The following TTC39A variants were observed in gnomAD, a reference collection of about 807,000 sequenced individuals.
The protein encoded by TTC39A is tetratricopeptide repeat protein 39A.
In TTC39A, 46 loss-of-function variants were observed where a neutral mutation model predicts 82.3. The observed-to-expected ratio is 0.56, with a 90% CI of 0.44 to 0.71. The LOEUF (loss-of-function observed/expected upper bound fraction) is 0.71. Among genes scored for constraint, TTC39A ranks in the 30% least tolerant of loss-of-function variants. TTC39A has a pLI of 0.00. For missense variants in TTC39A, 543 were observed against 712.9 expected (o/e 0.76, Z 2.71); for synonymous variants, 254 against 275.2 (o/e 0.92, Z 0.76).
At chr1:51,296,940 C>T (rs926438981) in intron 12 of TTC39A, 1 of 152,674 alleles carries the variant, frequency 6.5e-6, no homozygotes, top group Non-Finnish European at 1.5e-5. Context: ...ACACCACGCC[C>T]CTTCCTCAGA....
rs373906960 is a variant in TTC39A at position 51,294,746 on chromosome 1, C to T, written c.1146-235G>A. Among the ~76,000 whole-genome samples, 47 of 152,328 alleles carry T rather than the reference C, an allele frequency of 3.1e-4. No homozygotes were observed. Among genetic ancestry groups the T allele is most frequent in the African/African-American group, 9.4e-4 (39 of 41,586 alleles). On this transcript the variant is annotated intron_variant, in intron 13 of 17. Transcript: ENST00000680483. The surrounding 1 kb of genome is among the most constrained non-coding windows in gnomAD (Gnocchi z 4.3). ...TATGGCTGGGCAAGGGGTTCCTCCC[C>T]GCCAGCTGGCAGAGATGAGAGTGTG...
intron 1 of TTC39A, among the ~76,000 whole-genome samples, chr1:51,341,772 C>G (rs1646041486): frequency 6.6e-6 from 1 of 152,226 alleles, no homozygotes; most frequent in Admixed American, 6.5e-5. Flanking sequence ...AATGCTTCAA[C>G]TTGCAGGATC....
At chr1:51,330,808 T>C (rs1462925851), upstream of TTC39A, 5 of 418,974 alleles carry the variant, frequency 1.2e-5, no homozygotes, top group African/African-American at 2.0e-5. The surrounding 1 kb of genome is among the most constrained non-coding windows in gnomAD (Gnocchi z 4.5). Flanking sequence ...CCCCACCTAT[T>C]TGGCGCTAGA....
At chr1:51,306,404 T>C (rs1277019579) in intron 6 of TTC39A, among the ~76,000 whole-genome samples, 2 of 152,104 alleles carry the variant, frequency 1.3e-5, no homozygotes, top group Non-Finnish European at 2.9e-5. Flanking sequence ...TCTTTGTTGG[T>C]GGGGGTGGCA....
chr1:51,336,937 T>A (rs1645981706), intron 1 of TTC39A, among the ~76,000 whole-genome samples: 1 of 152,114 alleles, frequency 6.6e-6, no homozygotes, highest in Non-Finnish European at 1.5e-5. Flanking sequence ...GCGGGAGAAT[T>A]GCTTGAGGCC....
At chr1:51,322,435 T>C (rs1487661171) in intron 1 of TTC39A, among the ~76,000 whole-genome samples, 1 of 152,240 alleles carries the variant, frequency 6.6e-6, no homozygotes, top group Non-Finnish European at 1.5e-5. Flanking sequence ...TGACGTGATA[T>C]ATTTTACTTA....
intron 1 of TTC39A, among the ~76,000 whole-genome samples, chr1:51,328,568 CAG>C (rs1334958325): frequency 3.9e-5 from 6 of 152,138 alleles, no homozygotes; most frequent in African/African-American, 1.4e-4. Context: ...AGAATAAAAA[CAG>C]AGAAATGATA....
At chr1:51,342,674 G>A (rs1188936588) in intron 1 of TTC39A, among the ~76,000 whole-genome samples, 1 of 152,200 alleles carries the variant, frequency 6.6e-6, no homozygotes, top group African/African-American at 2.4e-5. Flanking sequence ...CCTTGGGTGT[G>A]AGACCTTGTG....
intron 1 of TTC39A, among the ~76,000 whole-genome samples, chr1:51,342,331 A>C (rs950208473): frequency 2.0e-5 from 3 of 152,140 alleles, no homozygotes; most frequent in African/African-American, 7.2e-5. Flanking sequence ...TTACCTCATA[A>C]CAGTACCGAG....
At chr1:51,315,937 G>T (rs572379301) in intron 2 of TTC39A, among the ~76,000 whole-genome samples, 1 of 152,292 alleles carries the variant, frequency 6.6e-6, no homozygotes, top group East Asian at 1.9e-4. Flanking sequence ...GCCCATGTTT[G>T]GTTTAATTCT....
chr1:51,337,701 A>G (rs1383459705), intron 1 of TTC39A, among the ~76,000 whole-genome samples: 2 of 152,054 alleles, frequency 1.3e-5, no homozygotes, highest in Non-Finnish European at 2.9e-5. Context: ...TGCTGAGATT[A>G]CAGGCGTGAG....
chr1:51,344,144 C>A (rs1410295059), intron 1 of TTC39A, among the ~76,000 whole-genome samples: 2 of 152,090 alleles, frequency 1.3e-5, no homozygotes, highest in African/African-American at 4.8e-5. Flanking sequence ...GGGTGGATGA[C>A]CATTCACTGA....
rs1645129788 is a variant in TTC39A at position 51,312,701 on chromosome 1, T to C, written c.278+111A>G. 14 of 1,476,698 alleles carry C rather than the reference T, an allele frequency of 9.5e-6. No individual in the cohort carries two copies. The South Asian group carries it at 1.7e-4, about 18-fold the overall frequency. 91.5% of individuals were successfully genotyped at this position (1,476,698 alleles called of 1,614,324 possible). A position where few individuals can be genotyped will look rare whatever the true frequency, so the allele number is the denominator to read the frequency against. On this transcript the variant is annotated intron_variant, in intron 3 of 17. Transcript: ENST00000680483. ...GCTCTTAGCACATGCAGACACAACC[T>C]CTTAGCCAAAAGCAGCAGTGCGAAT...
chr1:51,292,669 G>C (rs142797811), intron 14 of TTC39A, among the ~76,000 whole-genome samples: 1 of 152,038 alleles, frequency 6.6e-6, no homozygotes, highest in African/African-American at 2.4e-5. Context: ...GGTCTCAAAC[G>C]ATCCACCTAC....
At chr1:51,330,942 C>A, upstream of TTC39A, 1 of 633,626 alleles carries the variant, frequency 1.6e-6, no homozygotes, top group East Asian at 2.7e-5. This position sits in a 1 kb window ranked among gnomAD's most constrained non-coding sequence, Gnocchi z 4.5. Context: ...TTCGTGCAGA[C>A]AAAGACAGCC....
chr1:51,303,643 C>T (rs949045799), intron 8 of TTC39A, among the ~76,000 whole-genome samples: 1 of 152,144 alleles, frequency 6.6e-6, no homozygotes, highest in Non-Finnish European at 1.5e-5. Flanking sequence ...GGGGCAGACC[C>T]CCCACCTTGT....
chr1:51,344,918 C>A, intron 1 of TTC39A: 1 of 1,502,084 alleles, frequency 6.7e-7, no homozygotes, highest in Non-Finnish European at 8.9e-7. Flanking sequence ...GTTTCCCCGA[C>A]GTCGGCTGGG....
intron 9 of TTC39A, among the ~76,000 whole-genome samples, 191 bp downstream of exon 9, chr1:51,302,893 T>C (rs1644728178): frequency 1.3e-5 from 2 of 152,224 alleles, no homozygotes; most frequent in Admixed American, 6.5e-5. Flanking sequence ...AAACTGAGGC[T>C]GGAACCCAGT....
rs1477851880 is a variant in TTC39A, at chr1:51,290,225, GAC to G, written c.1379-108_1379-107del. The G allele has an allele frequency of 3.0e-6, 3 of 1,007,090 alleles. No individual in the cohort carries two copies. The African/African-American group carries it at 4.9e-5, about 16-fold the overall frequency. The allele number at this position is 1,007,090 out of a possible 1,614,324, so 62.4% of individuals were successfully genotyped here. On this transcript the variant is annotated intron_variant, in intron 15 of 17. Coordinates refer to ENST00000680483, the MANE Select transcript of TTC39A (RefSeq NM_001297663.2). ...AGGTCAAAGGGACACAGGTAAATCA[GAC>G]ACAGTCCCTGTCCTCAGCAGGGGTC...
Sources: gnomAD v4.1 joint callset for allele counts (sites outside exome capture counted in the v4.1 genomes callset) on GRCh38, gnomAD v4.1.1 for gene constraint, Gnocchi (gnomAD v3.1) non-coding constraint, MANE v1.5 for transcripts, NCBI Gene and HGNC (gene_info 2026-07-23, HGNC 2026-07-21) for gene names.